The following PRELID2 variants were observed in gnomAD, a reference collection of about 807,000 sequenced individuals.
The protein encoded by PRELID2 is PRELI domain containing 2.
In PRELID2, 25 loss-of-function variants were observed where a neutral mutation model predicts 28.4. The ratio of observed to expected loss-of-function variants is 0.88; its 90% CI spans 0.64 to 1.23. The LOEUF (loss-of-function observed/expected upper bound fraction) is 1.23. PRELID2 is among the 50% of genes most tolerant of loss of function. The pLI is 0.00. For missense variants in PRELID2, 201 were observed against 214.4 expected, an observed-to-expected ratio of 0.94 and a Z score of 0.39; for synonymous variants, 76 against 71.6, an observed-to-expected ratio of 1.06 and a Z score of -0.31.
At chr5:145,741,058 T>A (rs1326681804) in intron 1 of PRELID2, among the ~76,000 whole-genome samples, 18 of 117,562 alleles carry the variant, frequency 1.5e-4, no homozygotes, top group African/African-American at 5.9e-4. Flanking sequence ...ATAAAATATG[T>A]ATATTATATA....
the PRELID2 span, among the ~76,000 whole-genome samples, chr5:145,421,924 T>A: frequency 6.6e-6 from 1 of 151,932 alleles, no homozygotes; most frequent in Non-Finnish European, 1.5e-5. Context: ...GAGATTCTGG[T>A]ATGTTGTGTC....
chr5:145,464,884 G>T, the PRELID2 span, among the ~76,000 whole-genome samples: 1 of 151,996 alleles, frequency 6.6e-6, no homozygotes, highest in African/African-American at 2.4e-5. Flanking sequence ...TTTGACATAG[G>T]CCAACAGGGG....
intron 1 of PRELID2, among the ~76,000 whole-genome samples, chr5:145,555,732 G>A (rs907573197): frequency 6.6e-6 from 1 of 152,152 alleles, no homozygotes; most frequent in African/African-American, 2.4e-5. Flanking sequence ...AAGGGAGCCA[G>A]CAGGAGTATC....
intron 1 of PRELID2, among the ~76,000 whole-genome samples, chr5:145,708,491 TTG>T (rs1755605788): frequency 7.0e-6 from 1 of 143,306 alleles, no homozygotes; most frequent in African/African-American, 2.8e-5. Flanking sequence ...TCCAATTGTA[TTG>T]TTTTTTTCTT....
At position 145,759,403 on chromosome 5, in the gene PRELID2, A is replaced by G. The variant is rs1292032179; in HGVS notation, c.*1133T>C. On this transcript the variant is annotated 3_prime_UTR_variant, in exon 7 of 7. Transcript: ENST00000683046. ...TTGGCTTCTGATCACGAGAAATGCA[A>G]ACTACTGCCATCTAAGTTTCAAACA... is the stretch of plus-strand genomic sequence containing the variant. 1 of 152,186 alleles carries G rather than the reference A, an allele frequency of 6.6e-6. No individual in the cohort carries two copies. The highest frequency in any genetic ancestry group is 1.5e-5 in the Non-Finnish European group (1 of 68,034). The allele number at this position is 152,186 out of a possible 1,614,324, so 9.4% of individuals were successfully genotyped here. A position where few individuals can be genotyped will look rare whatever the true frequency, so the allele number is the denominator to read the frequency against.
downstream of PRELID2, among the ~76,000 whole-genome samples, chr5:145,753,419 C>A (rs547209484): frequency 2.2e-4 from 33 of 152,232 alleles, no homozygotes; most frequent in African/African-American, 7.9e-4. Context: ...AGGCTGTGCA[C>A]GAAGTAGTAT....
At chr5:145,256,123 T>C in the PRELID2 span, among the ~76,000 whole-genome samples, 2 of 151,862 alleles carry the variant, frequency 1.3e-5, no homozygotes, top group Non-Finnish European at 2.9e-5. Flanking sequence ...GATAGTGTTA[T>C]TTTCTGCAGG....
chr5:145,323,035 A>AGTATGTG, the PRELID2 span, among the ~76,000 whole-genome samples: 1 of 152,204 alleles, frequency 6.6e-6, no homozygotes, highest in African/African-American at 2.4e-5. Context: ...AAGAAACAAT[A>AGTATGTG]GTATGTGCTA....
At chr5:145,437,067 T>C in the PRELID2 span, 1 of 152,220 alleles carries the variant, frequency 6.6e-6, no homozygotes, top group Non-Finnish European at 1.5e-5. Flanking sequence ...ATCCTCCACA[T>C]AATAAATTCC....
intron 1 of PRELID2, among the ~76,000 whole-genome samples, chr5:145,506,918 T>A (rs1018185669): frequency 2.6e-5 from 4 of 152,190 alleles, no homozygotes; most frequent in African/African-American, 7.2e-5. Flanking sequence ...TAATTCATTA[T>A]CCATTTTTGT....
chr5:145,254,397 T>C, the PRELID2 span, among the ~76,000 whole-genome samples: 1 of 152,120 alleles, frequency 6.6e-6, no homozygotes, highest in East Asian at 1.9e-4. Flanking sequence ...TGATGATTAT[T>C]TTGCTCTCTG....
At chr5:145,754,403 A>G (rs2149754338), downstream of PRELID2, 1 of 152,312 alleles carries the variant, frequency 6.6e-6, no homozygotes, top group South Asian at 2.1e-4. Flanking sequence ...GATATACCCA[A>G]GAGATAACTG....
chr5:145,507,361 TGG>T (rs1752420957), intron 1 of PRELID2, among the ~76,000 whole-genome samples: 5 of 152,208 alleles, frequency 3.3e-5, no homozygotes, highest in African/African-American at 1.2e-4. Context: ...ACTGCAGATT[TGG>T]CCATAGGGAT....
At chr5:145,805,516 G>A (rs1011167009) in intron 4 of PRELID2, among the ~76,000 whole-genome samples, 2 of 152,080 alleles carry the variant, frequency 1.3e-5, no homozygotes, top group Non-Finnish European at 2.9e-5. Context: ...AGCCAGCCCA[G>A]GGATACAAAA....
chr5:145,402,678 G>A, the PRELID2 span, among the ~76,000 whole-genome samples: 1 of 152,146 alleles, frequency 6.6e-6, no homozygotes, highest in East Asian at 1.9e-4. Context: ...TGCACCTGAT[G>A]AGCCTACAGA....
chr5:145,754,652 A>G (rs1757210494), downstream of PRELID2, among the ~76,000 whole-genome samples: 1 of 152,184 alleles, frequency 6.6e-6, no homozygotes, highest in African/African-American at 2.4e-5. Flanking sequence ...AAATTTTGCT[A>G]AGATTGAAAC....
chr5:145,735,063 G>A (rs906690502), intron 1 of PRELID2, among the ~76,000 whole-genome samples: 2 of 146,832 alleles, frequency 1.4e-5, no homozygotes, highest in Admixed American at 7.0e-5. Context: ...TGGCCAACAT[G>A]ATGAAACCCC....
At chr5:145,482,892 A>G (rs924514818) in intron 1 of PRELID2, among the ~76,000 whole-genome samples, 1 of 151,920 alleles carries the variant, frequency 6.6e-6, no homozygotes, top group Non-Finnish European at 1.5e-5. Flanking sequence ...TCCTATGAGA[A>G]TGTAATGTGC....
At chr5:145,555,005 T>C (rs1044048370) in intron 1 of PRELID2, among the ~76,000 whole-genome samples, 4 of 152,234 alleles carry the variant, frequency 2.6e-5, no homozygotes, top group African/African-American at 9.6e-5. Context: ...TCAAAGCTTA[T>C]TTCCAAAGTT....
Sources: gnomAD v4.1 joint callset for allele counts (sites outside exome capture counted in the v4.1 genomes callset) on GRCh38, gnomAD v4.1.1 for gene constraint, MANE v1.5 for transcripts, NCBI Gene and HGNC (gene_info 2026-07-23, HGNC 2026-07-21) for gene names.